Variants in OLFM1 observed in about 807,000 individuals in gnomAD.
The protein encoded by OLFM1 is olfactomedin 1, also known as noelin.
A neutral mutation model predicts 49.7 loss-of-function variants in OLFM1; 9 were observed. That is an observed-to-expected ratio of 0.18 (90% confidence interval 0.11 to 0.32). The LOEUF is 0.32. Among genes scored for constraint, OLFM1 ranks in the 10% least tolerant of loss-of-function variants. The pLI, the probability that OLFM1 is intolerant of heterozygous loss-of-function variation, is 1.00. For synonymous variants in OLFM1, 240 were observed against 271.8 expected, an observed-to-expected ratio of 0.88 and a Z score of 1.15; for missense variants, 369 against 661.8, an observed-to-expected ratio of 0.56 and a Z score of 4.85.
chr9:135,088,238 C>A lies in OLFM1; in HGVS notation c.150+99C>A. Reference sequence around the variant, plus strand: ...CGGGCTGGGCGGGCGCCGCGCGGGACCCGAGTCGCCCAGGGAGGCGGCGGG... The same window carrying A: ...CGGGCTGGGCGGGCGCCGCGCGGGAACCGAGTCGCCCAGGGAGGCGGCGGG... On this transcript the variant is annotated intron_variant, in intron 1 of 5. Coordinates refer to ENST00000371793, the MANE Select transcript of OLFM1 (RefSeq NM_001282611.2). This position sits in a 1 kb window ranked among gnomAD's most constrained non-coding sequence, Gnocchi z 4.8. 1 of 1,119,056 alleles carries A rather than the reference C, an allele frequency of 8.9e-7. No individual in the cohort carries two copies. Among genetic ancestry groups the A allele is most frequent in the Non-Finnish European group, 1.1e-6 (1 of 892,224 alleles). The allele number at this position is 1,119,056 out of a possible 1,614,324, so 69.3% of individuals were successfully genotyped here.
At chr9:135,076,541 G>T (rs1830468621) in intron 1 of OLFM1, 4 of 1,160,712 alleles carry the variant, frequency 3.4e-6, no homozygotes, top group Non-Finnish European at 4.7e-6. Context: ...CAGGTCTTGG[G>T]GGAGGAGAAG....
intron 1 of OLFM1, chr9:135,076,156 A>G: frequency 6.5e-7 from 1 of 1,550,098 alleles, no homozygotes; most frequent in South Asian, 1.2e-5. Flanking sequence ...TGAGAGCCGG[A>G]TAGCCAAGAC....
chr9:135,100,466 C>A (rs1002185853), intron 4 of OLFM1, among the ~76,000 whole-genome samples: 2 of 152,188 alleles, frequency 1.3e-5, no homozygotes, highest in African/African-American at 4.8e-5. Context: ...CCTCTTTCTC[C>A]CACCTTTGGA....
At chr9:135,101,664 GC>G (rs1830872351) in intron 4 of OLFM1, among the ~76,000 whole-genome samples, 1 of 152,228 alleles carries the variant, frequency 6.6e-6, no homozygotes, top group Non-Finnish European at 1.5e-5. Flanking sequence ...AGTCAGTGCT[GC>G]CCCGTGCCCC....
Position 135,113,070 on chromosome 9 carries a change from C to T in OLFM1, c.783+6215C>T, listed in dbSNP as rs1453642174. ...TGTGCAAGATCCAGACCAGCGTGCA[C>T]GCTTCCTAATGCACAGAGCATGTGG... On this transcript the variant is annotated intron_variant, in intron 5 of 5. Coordinates refer to ENST00000371793, the MANE Select transcript of OLFM1 (RefSeq NM_001282611.2). This position sits in a 1 kb window ranked among gnomAD's most constrained non-coding sequence, Gnocchi z 4.0. 7.9e-5 allele frequency among the ~76,000 whole-genome samples: 12 copies of T among 152,268 alleles called. No homozygotes were observed. In the East Asian group the frequency reaches 1.6e-3, roughly 20 times the overall value.
At chr9:135,110,777 A>T (rs1831010680) in intron 5 of OLFM1, among the ~76,000 whole-genome samples, 1 of 152,080 alleles carries the variant, frequency 6.6e-6, no homozygotes, top group Non-Finnish European at 1.5e-5. Flanking sequence ...CCCACCACCC[A>T]TTCAGCTACG....
rs1294050748 is a variant in OLFM1 at position 135,119,543 on chromosome 9, C to T, written c.823C>T (p.Arg275Cys). 2.5e-5 allele frequency: 41 copies of T among 1,613,226 alleles called. No individual in the cohort carries two copies. Among genetic ancestry groups the T allele is most frequent in the Non-Finnish European group, 3.4e-5 (40 of 1,179,540 alleles). Reference protein sequence around the residue: ...MDGYHNNRFVREYKSMVDFMN... With the variant: ...MDGYHNNRFVCEYKSMVDFMN... Reference sequence around the variant, plus strand: ...CGGCTATCACAACAACCGCTTCGTACGTGAGTACAAGTCCATGGTTGACTT... The same window carrying T: ...CGGCTATCACAACAACCGCTTCGTATGTGAGTACAAGTCCATGGTTGACTT... Residue 275 changes from arginine to cysteine, a missense_variant, in exon 6 of 6, where the codon CGT (arginine) becomes TGT (cysteine). Arg to Cys is a radical substitution (Grantham distance 180). Coordinates refer to ENST00000371793, the MANE Select transcript of OLFM1 (RefSeq NM_001282611.2).
chr9:135,085,669 C>T (rs1474372908), upstream of OLFM1, among the ~76,000 whole-genome samples: 1 of 152,276 alleles, frequency 6.6e-6, no homozygotes, highest in Non-Finnish European at 1.5e-5. Flanking sequence ...TGAAAGTCCT[C>T]TTTAGGAACA....
exon 1 of OLFM1, chr9:135,075,700 GC>G: frequency 6.3e-7 from 1 of 1,590,038 alleles, no homozygotes. Flanking sequence ...AGCACCCAGG[GC>G]CCTGCATGCC....
rs138372395 is a variant in OLFM1, at chr9:135,114,123, C to CT, written c.784-5354dup. ...TCCAGGACCAGCTCATCTTGAGATTCTTTTTTTTTTTTTTTTTTTTTTTTT... is the reference window on the plus strand; with the variant it reads ...TCCAGGACCAGCTCATCTTGAGATTCTTTTTTTTTTTTTTTTTTTTTTTTTT... On this transcript the variant is annotated intron_variant, in intron 5 of 5. Coordinates refer to ENST00000371793, the MANE Select transcript of OLFM1 (RefSeq NM_001282611.2). 6.4e-3 allele frequency among the ~76,000 whole-genome samples: 488 copies of CT among 75,822 alleles called. 92 individuals are homozygous for CT. The highest frequency in any genetic ancestry group is 0.013 in the South Asian group (23 of 1,716). The allele number at this position is 75,822 out of a possible 152,430, so 49.7% of individuals were successfully genotyped here.
chr9:135,106,651 G>A (rs780014059), intron 4 of OLFM1, 98 bp from the exon 5 acceptor site: 71 of 854,534 alleles, frequency 8.3e-5, no homozygotes, highest in Middle Eastern at 4.5e-4. Flanking sequence ...AGGAGAAGCC[G>A]CCACATGGCA....
chr9:135,079,413 G>A (rs960208585), intron 1 of OLFM1, among the ~76,000 whole-genome samples: 6 of 152,038 alleles, frequency 3.9e-5, no homozygotes, highest in Admixed American at 2.0e-4. Context: ...AAACCAGCCC[G>A]GCCAACATGA....
intron 5 of OLFM1, among the ~76,000 whole-genome samples, chr9:135,116,783 C>T (rs891171748): frequency 2.0e-5 from 3 of 151,744 alleles, no homozygotes; most frequent in South Asian, 2.1e-4. Flanking sequence ...GCCCCGTTCC[C>T]TCCAATACCC....
At chr9:135,078,983 A>G (rs1174553375) in intron 1 of OLFM1, among the ~76,000 whole-genome samples, 8 of 151,940 alleles carry the variant, frequency 5.3e-5, no homozygotes, top group African/African-American at 1.7e-4. Context: ...CCTGCTACAG[A>G]CCCCCAACCC....
At chr9:135,091,567 A>G (rs796623070) in intron 2 of OLFM1, among the ~76,000 whole-genome samples, 2 of 147,966 alleles carry the variant, frequency 1.4e-5, no homozygotes, top group Non-Finnish European at 3.0e-5. Flanking sequence ...ATAGTCACAC[A>G]CACACACAGT....
At chr9:135,106,658 G>A in intron 4 of OLFM1, 91 bp from the exon 5 acceptor site, 2 of 905,726 alleles carry the variant, frequency 2.2e-6, no homozygotes, top group Non-Finnish European at 3.4e-6. Flanking sequence ...GCCGCCACAT[G>A]GCACGTGTGC....
At chr9:135,110,798 G>A (rs1238847842) in intron 5 of OLFM1, among the ~76,000 whole-genome samples, 2 of 152,192 alleles carry the variant, frequency 1.3e-5, no homozygotes, top group Non-Finnish European at 2.9e-5. Context: ...GGCCGCTTTA[G>A]AGTGTCTTTT....
At position 135,113,179 on chromosome 9, in the gene OLFM1, T is replaced by A. The variant is rs1831047358; in HGVS notation, c.783+6324T>A. Among the ~76,000 whole-genome samples, 1 of 151,814 alleles carries A rather than the reference T, an allele frequency of 6.6e-6. No individual in the cohort carries two copies. The highest frequency in any genetic ancestry group is 1.5e-5 in the Non-Finnish European group (1 of 67,954). ...CTGAAGTGGGGATTTGGGGACGGGG[T>A]CCCTAAGCCTCTGTGACTCTGTGGA... On this transcript the variant is annotated intron_variant, in intron 5 of 5. Transcript: ENST00000371793. The surrounding 1 kb of genome is among the most constrained non-coding windows in gnomAD (Gnocchi z 4.0).
At chr9:135,112,333 G>A (rs1075357) in intron 5 of OLFM1, among the ~76,000 whole-genome samples, 1 of 152,210 alleles carries the variant, frequency 6.6e-6, no homozygotes, top group African/African-American at 2.4e-5. Flanking sequence ...TTCCCTCCAG[G>A]CTGCACTGGC....
Sources: gnomAD v4.1 joint callset for allele counts (sites outside exome capture counted in the v4.1 genomes callset) on GRCh38, gnomAD v4.1.1 for gene constraint, Gnocchi (gnomAD v3.1) non-coding constraint, MANE v1.5 for transcripts, NCBI Gene and HGNC (gene_info 2026-07-23, HGNC 2026-07-21) for gene names.